The following TMEM131L variants were observed in gnomAD, a reference collection of about 807,000 sequenced individuals.
TMEM131L encodes the protein transmembrane 131 like, also known as transmembrane protein 131-like.
Under a neutral mutation model 192.2 loss-of-function variants are expected in TMEM131L, and 54 were observed. That is an observed-to-expected ratio of 0.28 (90% CI 0.23 to 0.35). The LOEUF is 0.35. TMEM131L is among the 10% of genes least tolerant of loss of function. The pLI, the probability that TMEM131L is intolerant of heterozygous loss-of-function variation, is 1.00. For synonymous variants in TMEM131L, 701 were observed against 704.9 expected, an observed-to-expected ratio of 0.99 and a Z score of 0.09; for missense variants, 1,888 against 1,972.9, an observed-to-expected ratio of 0.96 and a Z score of 0.82.
At chr4:153,484,912 G>A (rs1260952560) in intron 3 of TMEM131L, among the ~76,000 whole-genome samples, 4 of 147,412 alleles carry the variant, frequency 2.7e-5, no homozygotes. Context: ...GAGGTCAGGA[G>A]ATCGAGACCA....
In TMEM131L at chr4:153,612,262, G is replaced by C. The variant is rs745567399; in HGVS notation, c.3429G>C (p.Gln1143His). The change falls in exon 26 of 35, where the codon CAG (glutamine) becomes CAC (histidine). Residue 1143 changes from glutamine to histidine, a missense_variant. Gln to His is a conservative substitution (Grantham distance 24). Transcript: ENST00000409959. ...EISRKNNGNN[Q>H]QVPVKNEVDH... ...TTTTGTTTATTAAAGGGAATAACCAGCAAGTACCTGTCAAGAATGAAGTAG... is the reference window on the plus strand; with the variant it reads ...TTTTGTTTATTAAAGGGAATAACCACCAAGTACCTGTCAAGAATGAAGTAG... 2.6e-6 allele frequency: 4 copies of C among 1,558,932 alleles called. No homozygotes were observed. The Admixed American group carries it at 8.4e-5, about 33-fold the overall frequency.
chr4:153,486,125 A>G (rs753364975), intron 3 of TMEM131L, among the ~76,000 whole-genome samples: 3 of 152,192 alleles, frequency 2.0e-5, no homozygotes, highest in South Asian at 2.1e-4. Flanking sequence ...CTTAGGCCCT[A>G]GTATTATATG....
chr4:153,628,172 A>G (rs984826760), intron 31 of TMEM131L, among the ~76,000 whole-genome samples: 5 of 152,204 alleles, frequency 3.3e-5, no homozygotes, highest in Admixed American at 2.0e-4. Context: ...ATTCAGCCTC[A>G]GCAGCCTTGG....
intron 3 of TMEM131L, among the ~76,000 whole-genome samples, chr4:153,522,003 T>C (rs1449544268): frequency 6.6e-6 from 1 of 152,166 alleles, no homozygotes; most frequent in Non-Finnish European, 1.5e-5. Context: ...TTTTGGTGTA[T>C]GTGCTTCTAC....
At chr4:153,615,287 T>C (rs1732899007) in intron 26 of TMEM131L, among the ~76,000 whole-genome samples, 1 of 152,208 alleles carries the variant, frequency 6.6e-6, no homozygotes, top group Non-Finnish European at 1.5e-5. Context: ...ATAGGTATAA[T>C]AATGATTCCT....
intron 3 of TMEM131L, among the ~76,000 whole-genome samples, chr4:153,545,531 C>T (rs556339656): frequency 6.6e-6 from 1 of 152,106 alleles, no homozygotes; most frequent in East Asian, 1.9e-4. Flanking sequence ...TCATGATCCA[C>T]CCACCTCGGC....
At chr4:153,605,055 C>T (rs374485485) in intron 25 of TMEM131L, among the ~76,000 whole-genome samples, 40 of 152,260 alleles carry the variant, frequency 2.6e-4, no homozygotes, top group African/African-American at 8.9e-4. Flanking sequence ...AATTAATCAG[C>T]CCATGAAATG....
At chr4:153,561,816 G>A (rs1429525558) in intron 7 of TMEM131L, among the ~76,000 whole-genome samples, 1 of 151,986 alleles carries the variant, frequency 6.6e-6, no homozygotes, top group East Asian at 1.9e-4. Context: ...TATTTATTGA[G>A]TGTTCCAGTA....
chr4:153,593,895 A>G lies in TMEM131L; in HGVS notation c.1995+24A>G, dbSNP rs376676892. On this transcript the variant is annotated intron_variant, in intron 19 of 34. Transcript: ENST00000409959. ...TGGTAGGATGTTATCCTAAAACAGA[A>G]AAAAGAATGCCGACAAACTAGACAC... 5.4e-5 allele frequency: 83 copies of G among 1,534,184 alleles called. No homozygotes were observed. The African/African-American group carries it at 1.1e-3, about 20-fold the overall frequency.
At position 153,484,703 on chromosome 4, in the gene TMEM131L, T is replaced by C. The variant is rs781259462; in HGVS notation, c.239+10815T>C. 8.7e-3 allele frequency among the ~76,000 whole-genome samples: 1,285 copies of C among 148,072 alleles called. 12 individuals are homozygous for C. Among genetic ancestry groups the C allele is most frequent in the Non-Finnish European group, 0.014 (905 of 66,566 alleles). On this transcript the variant is annotated intron_variant, in intron 3 of 34. Transcript: ENST00000409959. Reference sequence around the variant, plus strand: ...CAGGATGGTCTCAATCTCCTGACCTTGTGATCCGCCCGCCTCGGCCTCCCA... The same window carrying C: ...CAGGATGGTCTCAATCTCCTGACCTCGTGATCCGCCCGCCTCGGCCTCCCA...
At chr4:153,605,367 G>A (rs967715937) in intron 25 of TMEM131L, among the ~76,000 whole-genome samples, 3 of 152,152 alleles carry the variant, frequency 2.0e-5, no homozygotes, top group African/African-American at 7.2e-5. Flanking sequence ...GTTATAGTCA[G>A]ATTTGTTTTA....
intron 3 of TMEM131L, among the ~76,000 whole-genome samples, chr4:153,530,033 C>CT (rs35942570): frequency 0.043 from 6,061 of 140,866 alleles, 155 homozygotes; most frequent in African/African-American, 0.068. Context: ...CTCTGTTGTC[C>CT]TTTTTTTTTT....
At chr4:153,521,753 G>A (rs911261811) in intron 3 of TMEM131L, among the ~76,000 whole-genome samples, 3 of 151,956 alleles carry the variant, frequency 2.0e-5, no homozygotes, top group East Asian at 1.9e-4. Flanking sequence ...ACTACTCTGC[G>A]TGCTTCATAG....
intron 7 of TMEM131L, among the ~76,000 whole-genome samples, chr4:153,565,729 G>T (rs967852298): frequency 1.5e-5 from 2 of 129,982 alleles, no homozygotes; most frequent in African/African-American, 8.8e-5. Context: ...AAAAGAATTT[G>T]ATAAATTTAC....
intron 3 of TMEM131L, among the ~76,000 whole-genome samples, chr4:153,509,385 A>G (rs1177314125): frequency 1.3e-5 from 2 of 151,708 alleles, no homozygotes; most frequent in African/African-American, 4.8e-5. Context: ...AAAGAAAGAA[A>G]AAGAAAAATC....
In TMEM131L at chr4:153,543,836, G is replaced by C. The variant is rs539037247; in HGVS notation, c.240-6237G>C. On this transcript the variant is annotated intron_variant, in intron 3 of 34. Transcript: ENST00000409959. ...TTATGGAGTCTCCAGGTCTCTTCCA[G>C]CATTTCCAGCTGTGGGATCTCTCAT... 3.3e-5 allele frequency among the ~76,000 whole-genome samples: 5 copies of C among 152,322 alleles called. No homozygotes were observed. In the South Asian group the frequency reaches 1.0e-3, roughly 32 times the overall value.
At chr4:153,576,508 C>T (rs1359920055) in intron 7 of TMEM131L, among the ~76,000 whole-genome samples, 1 of 152,094 alleles carries the variant, frequency 6.6e-6, no homozygotes, top group Non-Finnish European at 1.5e-5. Context: ...AAATATTAGG[C>T]TTTAAATCAT....
chr4:153,560,552 C>G (rs1728780137), intron 7 of TMEM131L, among the ~76,000 whole-genome samples: 1 of 152,190 alleles, frequency 6.6e-6, no homozygotes, highest in Admixed American at 6.5e-5. Context: ...TTTAGTATAT[C>G]CAAAGTTGTG....
rs563672039 is a variant in TMEM131L at position 153,537,261 on chromosome 4, T to G, written c.240-12812T>G. Among the ~76,000 whole-genome samples, 42 of 152,316 alleles carry G rather than the reference T, an allele frequency of 2.8e-4. No individual in the cohort carries two copies. The South Asian group carries it at 7.9e-3, about 29-fold the overall frequency. On this transcript the variant is annotated intron_variant, in intron 3 of 34. Coordinates refer to ENST00000409959, the MANE Select transcript of TMEM131L (RefSeq NM_001131007.2). ...TATGGTTAACTCCACCTTTGTAGAT[T>G]GTTCCTGATTGGGACCCAGTGAACC...
Sources: gnomAD v4.1 joint callset for allele counts (sites outside exome capture counted in the v4.1 genomes callset) on GRCh38, gnomAD v4.1.1 for gene constraint, MANE v1.5 for transcripts, NCBI Gene and HGNC (gene_info 2026-07-23, HGNC 2026-07-21) for gene names.